Variants in TTC6 observed in about 807,000 individuals in gnomAD.
TTC6 encodes tetratricopeptide repeat domain 6.
A neutral mutation model predicts 210.4 loss-of-function variants in TTC6; 172 were observed. The observed-to-expected ratio is 0.82, with a 90% CI of 0.72 to 0.93. TTC6 has a LOEUF of 0.93. Among genes scored for constraint, TTC6 ranks in the 40% least tolerant of loss-of-function variants. TTC6 has a pLI of 0.00. For synonymous variants in TTC6, 804 were observed against 819.6 expected (o/e 0.98, Z 0.32); for missense variants, 2,414 against 2,318.1 (o/e 1.04, Z -0.85).
chr14:37,612,636 T>G, intron 2 of TTC6, among the ~76,000 whole-genome samples: 1 of 152,244 alleles, frequency 6.6e-6, no homozygotes, highest in East Asian at 1.9e-4. Flanking sequence ...ATGATATGTC[T>G]CCATTTATGT....
intron 1 of TTC6, among the ~76,000 whole-genome samples, chr14:37,604,360 G>A (rs886303694): frequency 6.6e-6 from 1 of 152,182 alleles, no homozygotes; most frequent in Non-Finnish European, 1.5e-5. Context: ...CTGGGGTAAG[G>A]TGGTTCAAGG....
At chr14:37,654,189 G>C (rs1320368014) in intron 1 of TTC6, among the ~76,000 whole-genome samples, 1 of 152,146 alleles carries the variant, frequency 6.6e-6, no homozygotes, top group African/African-American at 2.4e-5. Flanking sequence ...TCTCATGAAT[G>C]ATTTAGCACC....
chr14:37,767,548 C>A (rs887110319), intron 14 of TTC6, among the ~76,000 whole-genome samples: 2 of 152,110 alleles, frequency 1.3e-5, no homozygotes, highest in African/African-American at 2.4e-5. Context: ...CTCTGATGGC[C>A]GGTGATGATG....
chr14:37,785,204 T>A (rs941032139), intron 14 of TTC6, among the ~76,000 whole-genome samples: 15 of 152,210 alleles, frequency 9.9e-5, no homozygotes, highest in African/African-American at 3.4e-4. Context: ...CTGGATAATA[T>A]CCTGAAGAGT....
intron 1 of TTC6, among the ~76,000 whole-genome samples, chr14:37,657,366 G>T (rs1595069114): frequency 1.4e-5 from 2 of 138,686 alleles, no homozygotes; most frequent in Non-Finnish European, 3.1e-5. Context: ...AAAAAAAAAA[G>T]ACCATTTCCA....
intron 1 of TTC6, among the ~76,000 whole-genome samples, chr14:37,631,782 C>T (rs1214208492): frequency 1.3e-5 from 2 of 152,132 alleles, no homozygotes; most frequent in South Asian, 2.1e-4. Flanking sequence ...TTCACATAGT[C>T]CCGTATTTCT....
chr14:37,725,660 A>G (rs2095871719), intron 7 of TTC6, among the ~76,000 whole-genome samples: 1 of 151,846 alleles, frequency 6.6e-6, no homozygotes, highest in African/African-American at 2.4e-5. Flanking sequence ...ATAGTTTTAT[A>G]TATTATGTAT....
chr14:37,818,457 C>G (rs1455998802), intron 26 of TTC6, among the ~76,000 whole-genome samples: 1 of 151,940 alleles, frequency 6.6e-6, no homozygotes, highest in Non-Finnish European at 1.5e-5. Context: ...TAGTTTATAG[C>G]TTTTTTTCCC....
chr14:37,615,756 ATTTTCT>A (rs1401765662), intron 2 of TTC6, among the ~76,000 whole-genome samples: 1 of 150,558 alleles, frequency 6.6e-6, no homozygotes, highest in Non-Finnish European at 1.5e-5. Context: ...GATCTGTTCA[ATTTTCT>A]TTTTCTTTTT....
At chr14:37,657,321 G>C (rs1423424011) in intron 1 of TTC6, among the ~76,000 whole-genome samples, 2 of 147,842 alleles carry the variant, frequency 1.4e-5, no homozygotes, top group Admixed American at 1.4e-4. Flanking sequence ...GTTTTCAAAA[G>C]GTGTGGAAGT....
chr14:37,827,466 G>A, intron 29 of TTC6, 100 bp downstream of exon 31: 2 of 1,079,908 alleles, frequency 1.9e-6, no homozygotes, highest in Non-Finnish European at 2.6e-6. Flanking sequence ...GGCTAATAAT[G>A]CATTGGCTAT....
intron 14 of TTC6, among the ~76,000 whole-genome samples, chr14:37,783,694 G>C (rs968987864): frequency 6.6e-6 from 1 of 151,936 alleles, no homozygotes; most frequent in Non-Finnish European, 1.5e-5. Flanking sequence ...GTTTGCTCTT[G>C]CTTTTCTAGT....
chr14:37,716,485 G>T (rs1248703228), intron 6 of TTC6, among the ~76,000 whole-genome samples: 2 of 151,930 alleles, frequency 1.3e-5, no homozygotes, highest in East Asian at 3.9e-4. Context: ...GAAAATAAAA[G>T]GGTTAAAAAT....
intron 5 of TTC6, among the ~76,000 whole-genome samples, chr14:37,706,422 AG>A (rs2095835625): frequency 6.6e-6 from 1 of 152,050 alleles, no homozygotes; most frequent in African/African-American, 2.4e-5. Context: ...AGGCTTACCA[AG>A]GTGATCTTAT....
At chr14:37,669,834 C>G (rs772953413) in intron 1 of TTC6, among the ~76,000 whole-genome samples, 4 of 152,078 alleles carry the variant, frequency 2.6e-5, no homozygotes, top group Non-Finnish European at 4.4e-5. Flanking sequence ...AATATGCTTA[C>G]TCTTGAGGCT....
chr14:37,811,612 G>A (rs769889071), intron 24 of TTC6, among the ~76,000 whole-genome samples: 3 of 152,056 alleles, frequency 2.0e-5, no homozygotes, highest in Non-Finnish European at 4.4e-5. Flanking sequence ...CTAGTACCTG[G>A]TACAGAGTAG....
intron 3 of TTC6, among the ~76,000 whole-genome samples, chr14:37,694,960 G>A (rs1318449193): frequency 6.6e-6 from 1 of 150,974 alleles, no homozygotes; most frequent in Non-Finnish European, 1.5e-5. Context: ...AGGATCAGTG[G>A]AGCCCAAGAG....
chr14:37,716,458 A>G (rs943109958), intron 6 of TTC6, among the ~76,000 whole-genome samples: 1 of 152,074 alleles, frequency 6.6e-6, no homozygotes, highest in Middle Eastern at 3.2e-3. Flanking sequence ...TTTAAAACAT[A>G]ATGATATAGC....
intron 29 of TTC6, among the ~76,000 whole-genome samples, chr14:37,828,964 A>G (rs1290744872): frequency 1.3e-5 from 2 of 152,026 alleles, no homozygotes; most frequent in Non-Finnish European, 2.9e-5. Context: ...TATTTCATGT[A>G]TAGATATTTA....
Sources: allele counts gnomAD v4.1 joint callset (sites outside exome capture counted in the v4.1 genomes callset), GRCh38; gene constraint gnomAD v4.1.1; transcripts MANE v1.5; gene names NCBI Gene and HGNC (gene_info 2026-07-23, HGNC 2026-07-21).